The following PYGL variants were observed in gnomAD, a reference collection of about 807,000 sequenced individuals.
PYGL encodes the protein glycogen phosphorylase, liver form.
Under a neutral mutation model 100.1 loss-of-function variants are expected in PYGL, and 90 were observed. The observed-to-expected ratio is 0.90, with a 90% CI of 0.76 to 1.07. The LOEUF (loss-of-function observed/expected upper bound fraction) is 1.07, where lower values mean the gene tolerates loss of function less well. PYGL is among the 50% of genes least tolerant of loss of function. The pLI, the probability that PYGL is intolerant of heterozygous loss-of-function variation, is 0.00. For synonymous variants in PYGL, 373 were observed against 393.0 expected, an observed-to-expected ratio of 0.95 and a Z score of 0.60; for missense variants, 1,016 against 1,057.6, an observed-to-expected ratio of 0.96 and a Z score of 0.55.
intron 1 of PYGL, among the ~76,000 whole-genome samples, chr14:50,942,094 C>A (rs2050706589): frequency 6.6e-6 from 1 of 152,180 alleles, no homozygotes; most frequent in Non-Finnish European, 1.5e-5. Flanking sequence ...GGGAGAGGAG[C>A]TTGGACACAC....
chr14:50,922,086 C>T (rs191696093), intron 5 of PYGL, among the ~76,000 whole-genome samples: 1 of 152,278 alleles, frequency 6.6e-6, no homozygotes, highest in African/African-American at 2.4e-5. Context: ...ATCGAAAATT[C>T]AAGTGAGAAA....
intron 2 of PYGL, 123 bp from the exon 3 acceptor site, chr14:50,935,308 A>G: frequency 2.5e-6 from 2 of 797,476 alleles, no homozygotes; most frequent in African/African-American, 1.7e-5. Context: ...ATCTAGCGTC[A>G]GCTCCCTTGC....
intron 7 of PYGL, among the ~76,000 whole-genome samples, chr14:50,919,817 G>GATTACAGGCGCCTACCATCACACCTGGC (rs1265051116): frequency 1.3e-5 from 2 of 152,066 alleles, no homozygotes; most frequent in Non-Finnish European, 2.9e-5. Context: ...CAGTAGCTGG[G>GATTACAGGCGCCTACCATCACACCTGGC]ATTACAGGCG....
At chr14:50,914,662 C>A (rs375853987) in intron 12 of PYGL, 39 bp downstream of exon 12, 5 of 1,513,410 alleles carry the variant, frequency 3.3e-6, no homozygotes, top group Non-Finnish European at 4.6e-6. Flanking sequence ...CTCTTGCATT[C>A]GAGTCAGGCC....
Position 50,916,969 on chromosome 14 carries a change from G to A in PYGL, c.992C>T (p.Pro331Leu), listed in dbSNP as rs766212182. ...CACAGACTAAATACTTGCCTGATCC[G>A]GGAAGGCATCAAACACAGTTCCTGC... is the stretch of plus-strand genomic sequence containing the variant. ...RGAGTVFDAF[P>L]DQVAIQLNDT... The change falls in exon 8 of 20, where the codon CCG becomes CTG. Residue 331 changes from proline (P) to leucine (L), a missense_variant. Coordinates refer to ENST00000216392, the MANE Select transcript of PYGL (RefSeq NM_002863.5). 32 of 1,613,992 alleles carry A rather than the reference G, an allele frequency of 2.0e-5. No individual in the cohort carries two copies. The highest frequency in any genetic ancestry group is 1.2e-4 in the South Asian group (11 of 91,080).
intron 16 of PYGL, among the ~76,000 whole-genome samples, chr14:50,910,390 T>C (rs1188920991): frequency 1.3e-5 from 2 of 152,206 alleles, no homozygotes; most frequent in East Asian, 3.8e-4. Flanking sequence ...CTTTTATTCC[T>C]TCCAATTTTT....
At chr14:50,932,362 T>G (rs774330150) in intron 3 of PYGL, among the ~76,000 whole-genome samples, 1 of 152,224 alleles carries the variant, frequency 6.6e-6, no homozygotes, top group Non-Finnish European at 1.5e-5. Context: ...TGGTCTAATC[T>G]GCTAAGCCAA....
intron 1 of PYGL, among the ~76,000 whole-genome samples, chr14:50,940,195 C>T (rs2050691323): frequency 1.3e-5 from 2 of 152,164 alleles, no homozygotes; most frequent in Non-Finnish European, 2.9e-5. Flanking sequence ...GCCACAAATA[C>T]CCATTTGCAT....
intron 1 of PYGL, among the ~76,000 whole-genome samples, chr14:50,940,126 T>C (rs1049116108): frequency 1.3e-5 from 2 of 152,220 alleles, no homozygotes; most frequent in Non-Finnish European, 2.9e-5. Flanking sequence ...GGGGCAGACA[T>C]AGGCAATGGC....
At chr14:50,915,155 A>G in intron 11 of PYGL, 181 bp downstream of exon 11, 1 of 828,742 alleles carries the variant, frequency 1.2e-6, no homozygotes, top group Admixed American at 2.7e-5. Context: ...AGAGGAAAGC[A>G]TTCTTTTCTT....
rs1194084235 is a variant in PYGL, at chr14:50,920,577, G to A, written c.819C>T (p.Ala273=). ...GATAGAGGACCCGGGAGATGTTCTC[G>A]GCCAGGTTTCGGTCCAGCACAGCCT... ...YIQAVLDRNL[A]ENISRVLYPN... Residue 273 remains alanine, a synonymous_variant, in exon 7 of 20, where the codon GCC becomes GCT. Coordinates refer to ENST00000216392, the MANE Select transcript of PYGL (RefSeq NM_002863.5). 4.3e-6 allele frequency: 7 copies of A among 1,613,372 alleles called. No individual in the cohort carries two copies. Among genetic ancestry groups the A allele is most frequent in the Non-Finnish European group, 5.1e-6 (6 of 1,179,486 alleles).
rs1012671107 is a variant in PYGL at position 50,913,014 on chromosome 14, A to G, written c.1620+15T>C. On this transcript the variant is annotated intron_variant, in intron 13 of 19. Coordinates refer to ENST00000216392, the MANE Select transcript of PYGL (RefSeq NM_002863.5). ...AGTGAGTGCCCAGGAGGGGACCCAC[A>G]CCTGGAAGGCTCACCTGCTTCACCT... The G allele has an allele frequency of 6.2e-7, 1 of 1,611,374 alleles. No individual in the cohort carries two copies. Among genetic ancestry groups the G allele is most frequent in the Non-Finnish European group, 8.5e-7 (1 of 1,177,606 alleles).
chr14:50,931,671 A>G lies in PYGL; in HGVS notation c.528+2T>C, dbSNP rs1243388778. ...CAAAATTTAAAAAGATGGCTCACAC[A>G]CCTGCCATCCATCTCGGATCTTCTG... On this transcript the variant is annotated splice_donor_variant, in intron 4 of 19. Transcript: ENST00000216392. LOFTEE classifies it high-confidence loss of function. 6.2e-7 allele frequency: 1 copy of G among 1,611,300 alleles called. No individual in the cohort carries two copies. The highest frequency in any genetic ancestry group is 1.7e-5 in the Admixed American group (1 of 59,998).
At chr14:50,917,572 ATCCCCAGT>A (rs1458927443) in intron 7 of PYGL, among the ~76,000 whole-genome samples, 20 of 152,248 alleles carry the variant, frequency 1.3e-4, no homozygotes, top group African/African-American at 4.6e-4. Context: ...CTCCAACCTT[ATCCCCAGT>A]TCCTGCAGCT....
intron 1 of PYGL, among the ~76,000 whole-genome samples, chr14:50,938,064 C>G (rs544115762): frequency 1.3e-5 from 2 of 152,142 alleles, no homozygotes; most frequent in East Asian, 1.9e-4. Flanking sequence ...ATTCTCAGAA[C>G]GTTTGGCATT....
At chr14:50,910,803 AAGCCACACGTAATTGAGGTGTG>A (rs1156259050) in intron 16 of PYGL, among the ~76,000 whole-genome samples, 1 of 152,184 alleles carries the variant, frequency 6.6e-6, no homozygotes, top group Non-Finnish European at 1.5e-5. Flanking sequence ...GCAGGGAAAT[AAGCCACACGTAATTGAGGTGTG>A]CCTGGGGCTA....
In PYGL at chr14:50,913,103, G is replaced by T. The variant is rs553204325; in HGVS notation, c.1546C>A (p.Leu516Met). 1 of 1,613,946 alleles carries T rather than the reference G, an allele frequency of 6.2e-7. No individual in the cohort carries two copies. The highest frequency in any genetic ancestry group is 8.5e-7 in the Non-Finnish European group (1 of 1,179,862). Residue 516 changes from leucine (L) to methionine (M), a missense_variant, in exon 13 of 20, where the codon CTG becomes ATG. Leu to Met is a conservative substitution (Grantham distance 15, BLOSUM62 2). Coordinates refer to ENST00000216392, the MANE Select transcript of PYGL (RefSeq NM_002863.5). ...EKIGEDYVKD[L>M]SQLTKLHSFL... ...CTGTGGAGCTTCGTCAGCTGGCTCA[G>T]GTCTTTCACATAGTCTTCTCCAATT...
chr14:50,912,532 G>A (rs1012061417), intron 13 of PYGL: 11 of 555,938 alleles, frequency 2.0e-5, no homozygotes, highest in East Asian at 3.3e-5. Context: ...TAGTAGAGAC[G>A]GGGTTTCATC....
intron 13 of PYGL, 98 bp from the exon 14 acceptor site, chr14:50,912,401 C>A (rs2050408175): frequency 3.4e-6 from 5 of 1,464,280 alleles, no homozygotes; most frequent in Non-Finnish European, 1.9e-6. Flanking sequence ...CTCTTTTGCC[C>A]AGGCTGGAGT....
Sources: gnomAD v4.1 joint callset for allele counts (sites outside exome capture counted in the v4.1 genomes callset) on GRCh38, gnomAD v4.1.1 for gene constraint, MANE v1.5 for transcripts, NCBI Gene and HGNC (gene_info 2026-07-23, HGNC 2026-07-21) for gene names.